TTC28: variants seen among roughly 807,000 people sequenced by gnomAD.
TTC28 encodes tetratricopeptide repeat protein 28.
Under a neutral mutation model 198.0 loss-of-function variants are expected in TTC28, and 61 were observed. That is an observed-to-expected ratio of 0.31 (90% CI 0.25 to 0.38). The LOEUF (loss-of-function observed/expected upper bound fraction) is 0.38. Among genes scored for constraint, TTC28 ranks in the 10% least tolerant of loss-of-function variants. The pLI is 1.00. For synonymous variants in TTC28, 1,171 were observed against 1,297.8 expected (o/e 0.90, Z 2.10); for missense variants, 2,678 against 3,164.0 (o/e 0.85, Z 3.69).
chr22:28,136,227 C>T (rs1943197213), intron 6 of TTC28, among the ~76,000 whole-genome samples: 1 of 152,174 alleles, frequency 6.6e-6, no homozygotes, highest in Non-Finnish European at 1.5e-5. Context: ...TCATTCTAGC[C>T]TGGAACTCCC....
At chr22:28,324,356 A>C (rs1183793752) in intron 2 of TTC28, among the ~76,000 whole-genome samples, 1 of 152,042 alleles carries the variant, frequency 6.6e-6, no homozygotes, top group Non-Finnish European at 1.5e-5. Context: ...CAAACAACAG[A>C]AAAAGAGGGA....
intron 8 of TTC28, among the ~76,000 whole-genome samples, chr22:28,101,576 G>A (rs1432474673): frequency 2.0e-5 from 3 of 151,808 alleles, no homozygotes; most frequent in East Asian, 3.9e-4. Flanking sequence ...GCCCAGGCTG[G>A]TCTCCAGCTC....
At chr22:28,338,119 T>G (rs1280078134) in intron 2 of TTC28, among the ~76,000 whole-genome samples, 1 of 152,208 alleles carries the variant, frequency 6.6e-6, no homozygotes, top group Non-Finnish European at 1.5e-5. Context: ...TGGCTGGATA[T>G]GAAATTCTGG....
intron 2 of TTC28, among the ~76,000 whole-genome samples, chr22:28,536,177 C>G (rs1382608357): frequency 1.8e-4 from 21 of 114,664 alleles, no homozygotes; most frequent in African/African-American, 7.0e-4. Flanking sequence ...CCAGCCTGGG[C>G]GACAGAGCGA....
intron 2 of TTC28, among the ~76,000 whole-genome samples, chr22:28,376,746 G>T (rs113314280): frequency 0.01 from 1,562 of 152,252 alleles, 34 homozygotes; most frequent in East Asian, 0.084. Flanking sequence ...AAAGTGCCTA[G>T]AGTTCACAAG....
intron 2 of TTC28, among the ~76,000 whole-genome samples, chr22:28,403,183 G>A (rs184230732): frequency 1.3e-5 from 2 of 152,294 alleles, no homozygotes; most frequent in African/African-American, 4.8e-5. Flanking sequence ...AGGGAATACA[G>A]AACATGATCA....
intron 2 of TTC28, among the ~76,000 whole-genome samples, chr22:28,382,260 ATATAAG>A (rs1338734673): frequency 6.6e-6 from 1 of 152,190 alleles, no homozygotes; most frequent in East Asian, 1.9e-4. Flanking sequence ...CAAGATACAA[ATATAAG>A]TATACTAATC....
At chr22:28,619,048 C>G (rs1480890996) in intron 2 of TTC28, among the ~76,000 whole-genome samples, 1 of 151,964 alleles carries the variant, frequency 6.6e-6, no homozygotes, top group Non-Finnish European at 1.5e-5. Flanking sequence ...CATTAAAAAA[C>G]TTATAAAGCT....
intron 2 of TTC28, among the ~76,000 whole-genome samples, chr22:28,429,561 C>T (rs1343335043): frequency 6.6e-6 from 1 of 152,136 alleles, no homozygotes; most frequent in Non-Finnish European, 1.5e-5. Context: ...ACAATCATAG[C>T]CTAAGTTAAT....
chr22:28,164,480 G>C (rs1921648254), intron 5 of TTC28, among the ~76,000 whole-genome samples: 1 of 152,182 alleles, frequency 6.6e-6, no homozygotes, highest in Non-Finnish European at 1.5e-5. Flanking sequence ...AGCATTTGCA[G>C]TTCACCAATA....
At chr22:28,001,230 G>C in intron 15 of TTC28, 144 bp downstream of exon 15, 1 of 1,095,160 alleles carries the variant, frequency 9.1e-7, no homozygotes, top group Non-Finnish European at 1.3e-6. Flanking sequence ...CTAAAGTCAC[G>C]CTACCTGCGT....
chr22:28,523,904 A>T (rs192834411), intron 2 of TTC28, among the ~76,000 whole-genome samples: 1 of 152,110 alleles, frequency 6.6e-6, no homozygotes, highest in Admixed American at 6.5e-5. Context: ...CACATTAATA[A>T]TCTCATATTT....
chr22:28,607,299 C>T (rs779456193), intron 2 of TTC28, among the ~76,000 whole-genome samples: 5 of 152,080 alleles, frequency 3.3e-5, no homozygotes, highest in Non-Finnish European at 5.9e-5. Context: ...TTTTATCTTG[C>T]TAATCTCATT....
intron 2 of TTC28, among the ~76,000 whole-genome samples, chr22:28,354,565 G>C (rs1202393487): frequency 3.9e-5 from 6 of 152,148 alleles, no homozygotes; most frequent in Non-Finnish European, 8.8e-5. Flanking sequence ...GAGAGTTTCT[G>C]TCTGGGGTGA....
intron 1 of TTC28, among the ~76,000 whole-genome samples, chr22:28,659,289 G>C (rs2145692037): frequency 6.6e-6 from 1 of 152,044 alleles, no homozygotes; most frequent in South Asian, 2.1e-4. Context: ...TTTTTTTTGA[G>C]ACAGAGTCTT....
chr22:28,090,121 A>T (rs986942153), intron 12 of TTC28, among the ~76,000 whole-genome samples: 1 of 150,198 alleles, frequency 6.7e-6, no homozygotes, highest in South Asian at 2.1e-4. Flanking sequence ...TAATAATAAT[A>T]AAAAAAGTAC....
intron 2 of TTC28, among the ~76,000 whole-genome samples, chr22:28,413,623 ATAACT>A (rs1425222930): frequency 2.0e-5 from 3 of 152,224 alleles, no homozygotes; most frequent in African/African-American, 7.2e-5. Context: ...ATAGAAAAAC[ATAACT>A]TATTTTAAAT....
chr22:28,523,794 T>A (rs2048953302), intron 2 of TTC28, among the ~76,000 whole-genome samples: 1 of 152,166 alleles, frequency 6.6e-6, no homozygotes, highest in South Asian at 2.1e-4. Context: ...AGAAATCCCA[T>A]AGAAAACAGG....
At chr22:28,458,560 T>C (rs550842097) in intron 2 of TTC28, among the ~76,000 whole-genome samples, 3 of 152,254 alleles carry the variant, frequency 2.0e-5, no homozygotes, top group Admixed American at 2.0e-4. Flanking sequence ...TTTTTTAAAA[T>C]TGGTTTCTGA....
Sources: gnomAD v4.1 joint callset for allele counts (sites outside exome capture counted in the v4.1 genomes callset) on GRCh38, gnomAD v4.1.1 for gene constraint, MANE v1.5 for transcripts, NCBI Gene and HGNC (gene_info 2026-07-23, HGNC 2026-07-21) for gene names.